Variants in ST6GALNAC3 observed in about 807,000 individuals in gnomAD.
ST6GALNAC3 encodes ST6 N-acetylgalactosaminide alpha-2,6-sialyltransferase 3, also known as alpha-N-acetylgalactosaminide alpha-2,6-sialyltransferase 3.
A neutral mutation model predicts 32.7 loss-of-function variants in ST6GALNAC3; 25 were observed. That is an observed-to-expected ratio of 0.76 (90% CI 0.56 to 1.07). The LOEUF is 1.07. Ranked by LOEUF, ST6GALNAC3 falls within the 50% of genes least tolerant of loss-of-function variation. The probability of loss-of-function intolerance (pLI) is 0.00; values close to 1 mark genes in which losing one functional copy is unlikely to be tolerated. For missense variants in ST6GALNAC3, 355 were observed against 382.4 expected (o/e 0.93, Z 0.60); for synonymous variants, 129 against 133.1 (o/e 0.97, Z 0.21).
intron 1 of ST6GALNAC3, among the ~76,000 whole-genome samples, chr1:76,299,220 G>T (rs1271408277): frequency 2.0e-5 from 3 of 152,014 alleles, no homozygotes; most frequent in Non-Finnish European, 4.4e-5. Context: ...TGAGGGTGTG[G>T]AGGCGGCCTT....
chr1:76,412,528 T>C (rs1003900094), intron 3 of ST6GALNAC3, 111 bp downstream of exon 3: 1 of 1,175,578 alleles, frequency 8.5e-7, no homozygotes, highest in Non-Finnish European at 1.2e-6. Flanking sequence ...ACGCTGATTG[T>C]TATATGTTTT....
intron 1 of ST6GALNAC3, among the ~76,000 whole-genome samples, chr1:76,116,264 C>T (rs1648469866): frequency 1.3e-5 from 2 of 152,074 alleles, no homozygotes; most frequent in South Asian, 2.1e-4. Context: ...TATGCCCAGA[C>T]CATGAAGTCT....
intron 3 of ST6GALNAC3, among the ~76,000 whole-genome samples, chr1:76,505,321 A>G (rs1661416818): frequency 6.6e-6 from 1 of 152,016 alleles, no homozygotes; most frequent in Non-Finnish European, 1.5e-5. Flanking sequence ...ATGGGGTTTC[A>G]CCATGTTGGC....
chr1:76,138,190 T>A (rs1650067732), intron 1 of ST6GALNAC3, among the ~76,000 whole-genome samples: 1 of 152,226 alleles, frequency 6.6e-6, no homozygotes, highest in Non-Finnish European at 1.5e-5. Context: ...TGAAAATATT[T>A]CATTTTTTTG....
Position 76,246,546 on chromosome 1 carries a change from A to G in ST6GALNAC3, c.19-67259A>G, listed in dbSNP as rs375564867. Among the ~76,000 whole-genome samples, 190 of 152,154 alleles carry G rather than the reference A, an allele frequency of 1.2e-3. 4 individuals carry two copies. The South Asian group carries it at 0.038, about 31-fold the overall frequency. ...TTGATGTATTTTTGCAATGGCTGGTACCGATTTTTCCTTTCCATATTTAGT... is the reference window on the plus strand; with the variant it reads ...TTGATGTATTTTTGCAATGGCTGGTGCCGATTTTTCCTTTCCATATTTAGT... On this transcript the variant is annotated intron_variant, in intron 1 of 4. Transcript: ENST00000328299.
intron 1 of ST6GALNAC3, among the ~76,000 whole-genome samples, chr1:76,127,432 A>T (rs1223466626): frequency 6.6e-6 from 1 of 152,228 alleles, no homozygotes; most frequent in East Asian, 1.9e-4. Context: ...CTCAAAATGT[A>T]GACTTAATTG....
At chr1:76,230,675 G>A (rs1656317742) in intron 1 of ST6GALNAC3, among the ~76,000 whole-genome samples, 1 of 152,132 alleles carries the variant, frequency 6.6e-6, no homozygotes, top group African/African-American at 2.4e-5. Flanking sequence ...TAAGACTTTA[G>A]TTGTGAAATA....
intron 1 of ST6GALNAC3, among the ~76,000 whole-genome samples, chr1:76,224,543 G>A (rs1204901546): frequency 6.6e-6 from 1 of 152,140 alleles, no homozygotes; most frequent in Non-Finnish European, 1.5e-5. Flanking sequence ...CCTGGATGAG[G>A]TATCTCAGTC....
chr1:76,556,845 G>A (rs758035216), intron 3 of ST6GALNAC3, among the ~76,000 whole-genome samples: 2 of 151,982 alleles, frequency 1.3e-5, no homozygotes, highest in Non-Finnish European at 2.9e-5. Context: ...TTGCCAGTGT[G>A]CTTTGAACAC....
intron 2 of ST6GALNAC3, among the ~76,000 whole-genome samples, chr1:76,362,777 G>A (rs1010211336): frequency 2.0e-5 from 3 of 152,194 alleles, no homozygotes; most frequent in Non-Finnish European, 4.4e-5. Context: ...GCAAGGGGTG[G>A]GCCCCCAAGG....
chr1:76,589,127 T>G (rs1380871669), intron 3 of ST6GALNAC3, among the ~76,000 whole-genome samples: 1 of 152,238 alleles, frequency 6.6e-6, no homozygotes, highest in Non-Finnish European at 1.5e-5. Context: ...TGTGCGGCTC[T>G]GAATAAAAAC....
intron 3 of ST6GALNAC3, among the ~76,000 whole-genome samples, chr1:76,472,459 A>C (rs1183438737): frequency 6.6e-6 from 1 of 152,126 alleles, no homozygotes; most frequent in Non-Finnish European, 1.5e-5. Context: ...GAAGTGGTGA[A>C]GGCAGAAGCC....
chr1:76,241,875 A>T (rs189398700), intron 1 of ST6GALNAC3, among the ~76,000 whole-genome samples: 1 of 152,224 alleles, frequency 6.6e-6, no homozygotes, highest in Non-Finnish European at 1.5e-5. Context: ...TGTGTGACTC[A>T]CATTACATTT....
At chr1:76,215,227 G>A (rs1655386896) in intron 1 of ST6GALNAC3, among the ~76,000 whole-genome samples, 1 of 152,128 alleles carries the variant, frequency 6.6e-6, no homozygotes, top group Non-Finnish European at 1.5e-5. Flanking sequence ...AGTTTCATAT[G>A]GGTAAATAAT....
chr1:76,211,360 T>C (rs541772435), intron 1 of ST6GALNAC3, among the ~76,000 whole-genome samples: 3 of 152,226 alleles, frequency 2.0e-5, no homozygotes, highest in Admixed American at 2.0e-4. Flanking sequence ...AGTTCAACCA[T>C]TGTGGAAGTC....
At chr1:76,146,474 T>C (rs1380442754) in intron 1 of ST6GALNAC3, among the ~76,000 whole-genome samples, 1 of 152,200 alleles carries the variant, frequency 6.6e-6, no homozygotes, top group Non-Finnish European at 1.5e-5. Context: ...GGCATGCTCC[T>C]GTCCTCTCTG....
chr1:76,126,416 C>CCTT lies in ST6GALNAC3; in HGVS notation c.18+51532_18+51533insCTT, dbSNP rs1325479755. 7.9e-3 allele frequency among the ~76,000 whole-genome samples: 1,184 copies of CCTT among 150,396 alleles called. 13 individuals are homozygous for CCTT. The highest frequency in any genetic ancestry group is 0.027 in the African/African-American group (1,121 of 40,904). On this transcript the variant is annotated intron_variant, in intron 1 of 4. Transcript: ENST00000328299. ...TTCTTTCTTTTCCCTCCCTCCCTCC[C>CCTT]TCCTGCCTTTCCTTCCTTCCTTCCT...
At chr1:76,287,799 T>C (rs552116742) in intron 1 of ST6GALNAC3, among the ~76,000 whole-genome samples, 1 of 152,354 alleles carries the variant, frequency 6.6e-6, no homozygotes, top group Admixed American at 6.5e-5. Flanking sequence ...TTCTTGATTA[T>C]ATGCACCTTT....
chr1:76,629,970 A>G lies in ST6GALNAC3; in HGVS notation c.*1164A>G. 4.1e-6 allele frequency: 4 copies of G among 985,124 alleles called. No individual in the cohort carries two copies. The highest frequency in any genetic ancestry group is 4.8e-6 in the Non-Finnish European group (4 of 829,764). 61.0% of individuals were successfully genotyped at this position (985,124 alleles called of 1,614,324 possible). On this transcript the variant is annotated 3_prime_UTR_variant, in exon 5 of 5. Coordinates refer to ENST00000328299, the MANE Select transcript of ST6GALNAC3 (RefSeq NM_152996.4). ...TTTTTCCCATAGTGTATCAGTTGTT[A>G]TGCCACAATAACAACAATAATAATG...
Sources: gnomAD v4.1 joint callset for allele counts (sites outside exome capture counted in the v4.1 genomes callset) on GRCh38, gnomAD v4.1.1 for gene constraint, MANE v1.5 for transcripts, NCBI Gene and HGNC (gene_info 2026-07-23, HGNC 2026-07-21) for gene names.